TRIP11: variants seen among roughly 807,000 people sequenced by gnomAD.
TRIP11 encodes thyroid receptor-interacting protein 11.
TRIP11 carries 148 observed loss-of-function variants against 223.1 expected under a neutral mutation model. The ratio of observed to expected loss-of-function variants is 0.66; its 90% CI spans 0.58 to 0.76. The LOEUF is 0.76. TRIP11 is among the 30% of genes least tolerant of loss of function. The pLI, the probability that TRIP11 is intolerant of heterozygous loss-of-function variation, is 0.00. For missense variants in TRIP11, 2,043 were observed against 2,222.0 expected (o/e 0.92, Z 1.62); for synonymous variants, 762 against 772.6 (o/e 0.99, Z 0.23).
chr14:91,968,056 A>G lies in TRIP11; in HGVS notation c.*1617T>C. 1 of 201,588 alleles carries G rather than the reference A, an allele frequency of 5.0e-6. No individual in the cohort carries two copies. Among genetic ancestry groups the G allele is most frequent in the Non-Finnish European group, 1.0e-5 (1 of 97,846 alleles). The allele number at this position is 201,588 out of a possible 1,614,324, so 12.5% of individuals were successfully genotyped here. A position where few individuals can be genotyped will look rare whatever the true frequency, so the allele number is the denominator to read the frequency against. ...TTTTTCAGAAAAACAAGTTTCACCC[A>G]TCAACATGGAATTAAGACTTCCAGT... On this transcript the variant is annotated 3_prime_UTR_variant, in exon 21 of 21. Coordinates refer to ENST00000267622, the MANE Select transcript of TRIP11 (RefSeq NM_004239.4).
intron 16 of TRIP11, among the ~76,000 whole-genome samples, chr14:91,986,749 C>T (rs1288479382): frequency 6.6e-6 from 1 of 152,208 alleles, no homozygotes; most frequent in Non-Finnish European, 1.5e-5. Context: ...CAGTGTGTCT[C>T]CTCTCAGTTG....
At chr14:92,021,444 T>C (rs567398036) in intron 4 of TRIP11, 112 bp downstream of exon 4, 1 of 1,045,196 alleles carries the variant, frequency 9.6e-7, no homozygotes, top group South Asian at 1.5e-5. Context: ...ACACCTTTTC[T>C]ATTTCCTAGT....
At position 92,029,280 on chromosome 14, in the gene TRIP11, A is replaced by ATT. The variant is rs60778253; in HGVS notation, c.202-3862_202-3861dup. 5.6e-3 allele frequency among the ~76,000 whole-genome samples: 430 copies of ATT among 76,742 alleles called. 25 individuals are homozygous for ATT. Among genetic ancestry groups the ATT allele is most frequent in the East Asian group, 8.6e-3 (17 of 1,982 alleles). The allele number at this position is 76,742 out of a possible 152,430, so 50.3% of individuals were successfully genotyped here. On this transcript the variant is annotated intron_variant, in intron 2 of 20. Coordinates refer to ENST00000267622, the MANE Select transcript of TRIP11 (RefSeq NM_004239.4). ...TTCTGACTGCATTGCCCAAAGTATT[A>ATT]TTTTTTTTTTTTTTTTTTTTTTTTT...
At position 91,968,375 on chromosome 14, in the gene TRIP11, TTTC is replaced by T. The variant is rs1483833952; in HGVS notation, c.*1295_*1297del. The T allele has an allele frequency of 2.9e-5, 6 of 204,960 alleles. No individual in the cohort carries two copies. The highest frequency in any genetic ancestry group is 1.8e-4 in the Admixed American group (3 of 16,732). The allele number at this position is 204,960 out of a possible 1,614,324, so 12.7% of individuals were successfully genotyped here. On this transcript the variant is annotated 3_prime_UTR_variant, in exon 21 of 21. Transcript: ENST00000267622. ...GGTTTATGAAAAATTAAAGAAATAC[TTTC>T]TTAAGTTTCAAACATCTGGGTACTG...
In TRIP11 at chr14:91,970,481, T is replaced by C. The variant is rs535761372; in HGVS notation, c.5720-588A>G. 3.3e-5 allele frequency among the ~76,000 whole-genome samples: 5 copies of C among 151,936 alleles called. No homozygotes were observed. The East Asian group carries it at 9.7e-4, about 29-fold the overall frequency. ...ACAGGCCTCAATTCCTAAACACAAATACTAATTTGTATGGCTAAAATCTGA... is the reference window on the plus strand; with the variant it reads ...ACAGGCCTCAATTCCTAAACACAAACACTAATTTGTATGGCTAAAATCTGA... On this transcript the variant is annotated intron_variant, in intron 20 of 20. Coordinates refer to ENST00000267622, the MANE Select transcript of TRIP11 (RefSeq NM_004239.4).
At chr14:91,982,979 A>G (rs2056563063) in intron 16 of TRIP11, among the ~76,000 whole-genome samples, 5 of 151,206 alleles carry the variant, frequency 3.3e-5, no homozygotes, top group Admixed American at 3.3e-4. Flanking sequence ...CTGTATCTTC[A>G]GCCAGTTTCC....
Position 92,006,461 on chromosome 14 carries a change from T to A in TRIP11, c.1528-13A>T. ...TCAAAATCATGTGCTGAAAGAAAAA[T>A]TTGCATGGTGACTTTACAACATGTT... On this transcript the variant is annotated splice_polypyrimidine_tract_variant and intron_variant, in intron 10 of 20. Transcript: ENST00000267622. The A allele has an allele frequency of 6.2e-7, 1 of 1,611,170 alleles. No homozygotes were observed.
intron 2 of TRIP11, among the ~76,000 whole-genome samples, chr14:92,031,474 G>A (rs918088171): frequency 1.6e-4 from 24 of 152,156 alleles, no homozygotes; most frequent in Non-Finnish European, 4.4e-5. Flanking sequence ...CTACTCAAGA[G>A]GCTGAAGCAG....
chr14:91,982,161 T>C (rs1034279021), intron 16 of TRIP11, among the ~76,000 whole-genome samples: 2 of 152,208 alleles, frequency 1.3e-5, no homozygotes, highest in Non-Finnish European at 2.9e-5. Flanking sequence ...CACTTGATTT[T>C]ATATAAATAT....
Position 92,005,351 on chromosome 14 carries a change from C to T in TRIP11, c.2625G>A (p.Glu875=), listed in dbSNP as rs2056885423. The T allele has an allele frequency of 6.2e-7, 1 of 1,614,188 alleles. No individual in the cohort carries two copies. The highest frequency in any genetic ancestry group is 8.5e-7 in the Non-Finnish European group (1 of 1,180,038). ...CAGCCACAGGTGCGGTTCGACTCTG[C>T]TCTTCCCTGAGTCGTTCCAATTCTT... ...LQEELERLRE[E]QSRTAPVADP... Residue 875 remains glutamate (E), a synonymous_variant, in exon 11 of 21, where the codon GAG becomes GAA. Transcript: ENST00000267622.
chr14:92,003,746 C>T lies in TRIP11; in HGVS notation c.4230G>A (p.Lys1410=), dbSNP rs764610205. Residue 1410 remains lysine, a synonymous_variant, in exon 11 of 21, where the codon AAG becomes AAA. Transcript: ENST00000267622. ...EKQDVLQKLL[K]EKDLLIKAKS... Reference sequence around the variant, plus strand: ...TGGCTTTGATTAAGAGGTCTTTTTCCTTAAGTAACTTTTGCAAAACATCTT... The same window carrying T: ...TGGCTTTGATTAAGAGGTCTTTTTCTTTAAGTAACTTTTGCAAAACATCTT... 8.7e-6 allele frequency: 14 copies of T among 1,614,092 alleles called. No individual in the cohort carries two copies. The highest frequency in any genetic ancestry group is 1.1e-5 in the Non-Finnish European group (13 of 1,180,014).
chr14:91,968,597 A>G lies in TRIP11; in HGVS notation c.*1076T>C, dbSNP rs1370514814. ...TGAAAGTTGCATGAATTTGTGTAAC[A>G]TTTAGTTTTAAGATGGTATCTTTAA... is the stretch of plus-strand genomic sequence containing the variant. On this transcript the variant is annotated 3_prime_UTR_variant, in exon 21 of 21. Coordinates refer to ENST00000267622, the MANE Select transcript of TRIP11 (RefSeq NM_004239.4). 2 of 220,338 alleles carry G rather than the reference A, an allele frequency of 9.1e-6. No homozygotes were observed. Among genetic ancestry groups the G allele is most frequent in the African/African-American group, 4.5e-5 (2 of 44,528 alleles). The allele number at this position is 220,338 out of a possible 1,614,324, so 13.6% of individuals were successfully genotyped here.
rs182253224 is a variant in TRIP11, at chr14:92,003,099, C to T, written c.4557+320G>A. Among the ~76,000 whole-genome samples, 616 of 152,174 alleles carry T rather than the reference C, an allele frequency of 4.0e-3. 1 individual carries two copies. The highest frequency in any genetic ancestry group is 5.4e-3 in the Non-Finnish European group (366 of 68,010). On this transcript the variant is annotated intron_variant, in intron 11 of 20. Coordinates refer to ENST00000267622, the MANE Select transcript of TRIP11 (RefSeq NM_004239.4). ...AAAATGTTAACAGCTACTGTAATAC[C>T]TAAAATTTGATTAAATTGAAGTAAC...
chr14:91,987,582 C>T (rs953989505), intron 16 of TRIP11, among the ~76,000 whole-genome samples: 2 of 152,116 alleles, frequency 1.3e-5, no homozygotes, highest in Admixed American at 6.6e-5. Flanking sequence ...TTCTAGGCTC[C>T]GTTATCACCT....
intron 2 of TRIP11, chr14:92,026,501 GCCAGAGTC>G: frequency 1.0e-6 from 1 of 980,156 alleles, no homozygotes; most frequent in South Asian, 1.3e-5. Context: ...CAGCTTTATC[GCCAGAGTC>G]CCTGAACTCT....
At position 92,003,798 on chromosome 14, in the gene TRIP11, G is replaced by A; in HGVS notation, c.4178C>T (p.Ser1393Leu). 1 of 1,614,156 alleles carries A rather than the reference G, an allele frequency of 6.2e-7. No individual in the cohort carries two copies. Among genetic ancestry groups the A allele is most frequent in the Non-Finnish European group, 8.5e-7 (1 of 1,180,034 alleles). The change falls in exon 11 of 21, where the codon TCA becomes TTA. Residue 1393 changes from serine to leucine, a missense_variant. Physicochemically the swap from Ser to Leu is moderately radical, Grantham distance 145. Transcript: ENST00000267622. Reference protein sequence around the residue: ...LERKEHEQTDSEIKQLKEKQD... With the variant: ...LERKEHEQTDLEIKQLKEKQD... ...TTTCTCCTTTAGCTGCTTGATTTCT[G>A]AATCGGTTTGTTCGTGTTCTTTTCT... is the stretch of plus-strand genomic sequence containing the variant.
intron 1 of TRIP11, among the ~76,000 whole-genome samples, chr14:92,038,257 A>C (rs1305768487): frequency 3.9e-5 from 6 of 152,188 alleles, no homozygotes; most frequent in African/African-American, 1.4e-4. Context: ...ATCCAGGTTG[A>C]GGGATGCATA....
chr14:91,976,239 C>T (rs1197620895), intron 16 of TRIP11, 50 bp from the exon 17 acceptor site: 1 of 1,473,594 alleles, frequency 6.8e-7, no homozygotes, highest in Non-Finnish European at 9.4e-7. Context: ...TTAAAATAGT[C>T]TGGATGACTA....
At chr14:92,026,743 G>A in intron 2 of TRIP11, 1 of 1,069,778 alleles carries the variant, frequency 9.3e-7, no homozygotes, top group Admixed American at 1.8e-5. Flanking sequence ...GGAGGAAGAG[G>A]AGGAGGAAGA....
Sources: gnomAD v4.1 joint callset for allele counts (sites outside exome capture counted in the v4.1 genomes callset) on GRCh38, gnomAD v4.1.1 for gene constraint, MANE v1.5 for transcripts, NCBI Gene and HGNC (gene_info 2026-07-23, HGNC 2026-07-21) for gene names.